PIK3R4: variants seen among roughly 807,000 people sequenced by gnomAD.
PIK3R4 encodes phosphoinositide 3-kinase regulatory subunit 4.
In PIK3R4, 46 loss-of-function variants were observed where a neutral mutation model predicts 136.5. The ratio of observed to expected loss-of-function variants is 0.34; its 90% CI spans 0.27 to 0.43. The LOEUF (loss-of-function observed/expected upper bound fraction) is 0.43, where lower values mean the gene tolerates loss of function less well. Among genes scored for constraint, PIK3R4 ranks in the 20% least tolerant of loss-of-function variants. The pLI, the probability that PIK3R4 is intolerant of heterozygous loss-of-function variation, is 1.00. For missense variants in PIK3R4, 1,331 were observed against 1,649.5 expected (o/e 0.81, Z 3.35); for synonymous variants, 557 against 566.7 (o/e 0.98, Z 0.24).
intron 13 of PIK3R4, among the ~76,000 whole-genome samples, chr3:130,692,812 C>T (rs952189674): frequency 2.6e-5 from 4 of 152,222 alleles, no homozygotes; most frequent in African/African-American, 9.6e-5. Flanking sequence ...CTCTCACACA[C>T]ACTTAGGCTT....
chr3:130,724,362 C>A (rs892517749), intron 6 of PIK3R4, among the ~76,000 whole-genome samples: 3 of 152,034 alleles, frequency 2.0e-5, no homozygotes, highest in Admixed American at 6.5e-5. Flanking sequence ...ACTGGCCTTG[C>A]TATAAACATA....
In PIK3R4 at chr3:130,691,877, T is replaced by G. The variant is rs868786188; in HGVS notation, c.3099-1223A>C. The stretch of plus-strand genomic sequence containing the variant: ...CAGTATCTCTCTCTAGTTTTTTTTT[T>G]TTTTTTTTTTTTTCTGAGACAGAGT... On this transcript the variant is annotated intron_variant, in intron 13 of 19. Coordinates refer to ENST00000356763, the MANE Select transcript of PIK3R4 (RefSeq NM_014602.3). Among the ~76,000 whole-genome samples, 57 of 143,648 alleles carry G rather than the reference T, an allele frequency of 4.0e-4. No individual in the cohort carries two copies. In the South Asian group the frequency reaches 0.012, roughly 31 times the overall value. 94.2% of individuals were successfully genotyped at this position (143,648 alleles called of 152,430 possible). A position where few individuals can be genotyped will look rare whatever the true frequency, so the allele number is the denominator to read the frequency against.
At chr3:130,703,532 T>C (rs538524902) in intron 13 of PIK3R4, among the ~76,000 whole-genome samples, 191 bp downstream of exon 13, 3 of 152,146 alleles carry the variant, frequency 2.0e-5, no homozygotes, top group Non-Finnish European at 4.4e-5. Context: ...TCTAACACAT[T>C]AGCTGTTTTA....
At chr3:130,697,063 C>CTTTTTTTTTTT (rs60432343) in intron 13 of PIK3R4, among the ~76,000 whole-genome samples, 3 of 73,024 alleles carry the variant, frequency 4.1e-5, no homozygotes, top group African/African-American at 6.3e-5. Context: ...GCCACTCCAG[C>CTTTTTTTTTTT]TTTTTTTTTT....
intron 3 of PIK3R4, among the ~76,000 whole-genome samples, chr3:130,735,062 G>A (rs1345879869): frequency 6.6e-6 from 1 of 152,304 alleles, no homozygotes; most frequent in East Asian, 1.9e-4. Flanking sequence ...AACGTAACAA[G>A]TATGTGCCAT....
intron 3 of PIK3R4, 104 bp downstream of exon 3, chr3:130,735,765 A>C: frequency 2.0e-6 from 2 of 1,014,954 alleles, no homozygotes; most frequent in Non-Finnish European, 2.9e-6. Flanking sequence ...ATGGTGTTTT[A>C]CTGCTTGATT....
At chr3:130,713,875 T>C (rs2066646037) in intron 9 of PIK3R4, among the ~76,000 whole-genome samples, 1 of 152,158 alleles carries the variant, frequency 6.6e-6, no homozygotes, top group Non-Finnish European at 1.5e-5. Flanking sequence ...CGTTTCACCA[T>C]GTCAGCTAGG....
chr3:130,681,636 TGGA>T (rs1412087182), intron 16 of PIK3R4, 45 bp from the exon 17 acceptor site: 1 of 1,193,152 alleles, frequency 8.4e-7, no homozygotes, highest in Non-Finnish European at 1.2e-6. Flanking sequence ...CAAAAAGAGT[TGGA>T]GAAGATTACA....
intron 13 of PIK3R4, among the ~76,000 whole-genome samples, chr3:130,691,086 G>A (rs1160083191): frequency 1.3e-5 from 2 of 151,862 alleles, no homozygotes; most frequent in Non-Finnish European, 2.9e-5. Flanking sequence ...TGTAGAGATG[G>A]GGTTTCGCCA....
intron 9 of PIK3R4, among the ~76,000 whole-genome samples, chr3:130,709,249 T>G (rs2066621928): frequency 6.6e-6 from 1 of 152,172 alleles, no homozygotes; most frequent in Non-Finnish European, 1.5e-5. Context: ...AATAATTAAT[T>G]CCTTGGCAAC....
Position 130,726,154 on chromosome 3 carries a change from G to A in PIK3R4, c.1807+2309C>T, listed in dbSNP as rs553507648. ...CCAAATATATAGATTATCTATATAT[G>A]ACAGAAAAAAATGAAAATAATTTAA... On this transcript the variant is annotated intron_variant, in intron 6 of 19. Transcript: ENST00000356763. Among the ~76,000 whole-genome samples, 5 of 151,578 alleles carry A rather than the reference G, an allele frequency of 3.3e-5. No homozygotes were observed. The East Asian group carries it at 9.6e-4, about 29-fold the overall frequency.
chr3:130,686,484 T>G, intron 14 of PIK3R4, 62 bp from the exon 15 acceptor site: 3 of 968,890 alleles, frequency 3.1e-6, no homozygotes, highest in Non-Finnish European at 5.0e-6. Context: ...TAGTCTCCCT[T>G]TAAGATGACT....
intron 15 of PIK3R4, 105 bp downstream of exon 15, chr3:130,686,100 AGACGGG>A: frequency 1.0e-5 from 7 of 668,882 alleles, no homozygotes; most frequent in Admixed American, 2.8e-5. Flanking sequence ...AAAAAAAAAA[AGACGGG>A]AAAAATTACC....
rs766514140 is a variant in PIK3R4 at position 130,679,426 on chromosome 3, C to T, written c.3966G>A (p.Glu1322=). The change falls in exon 20 of 20, where the codon GAG becomes GAA. Residue 1322 remains glutamate (E), a synonymous_variant. Coordinates refer to ENST00000356763, the MANE Select transcript of PIK3R4 (RefSeq NM_014602.3). ...PSDDTPRRGP[E]SLPVGHHDII... ...TGTCATGATGTCCCACGGGCAGGGA[C>T]TCTGGGCCCCTTCGAGGGGTGTCAT... 3 of 1,613,156 alleles carry T rather than the reference C, an allele frequency of 1.9e-6. No homozygotes were observed. The highest frequency in any genetic ancestry group is 2.5e-6 in the Non-Finnish European group (3 of 1,179,218).
intron 2 of PIK3R4, among the ~76,000 whole-genome samples, chr3:130,738,746 G>T (rs1339763133): frequency 1.3e-5 from 2 of 150,640 alleles, no homozygotes; most frequent in Non-Finnish European, 2.9e-5. Context: ...GCCTGAGAAG[G>T]CTCCTTCTCC....
chr3:130,723,839 G>A, intron 6 of PIK3R4: 1 of 318,886 alleles, frequency 3.1e-6, no homozygotes, highest in Non-Finnish European at 5.7e-6. Context: ...CTCCTAAAAA[G>A]GAAGAAGAAT....
In PIK3R4 at chr3:130,746,513, C is replaced by CT. The variant is rs2066854680; in HGVS notation, c.-243dup. On this transcript the variant is annotated 5_prime_UTR_variant, in exon 1 of 20. Transcript: ENST00000356763. ...CCGATCTTCAGGAACCCCGGTGGTC[C>CT]TGGGAGGAGAACTGGGAAAGCTCTC... 2.0e-5 allele frequency: 3 copies of CT among 152,050 alleles called. No individual in the cohort carries two copies. The highest frequency in any genetic ancestry group is 4.4e-5 in the Non-Finnish European group (3 of 68,106). The allele number at this position is 152,050 out of a possible 1,614,324, so 9.4% of individuals were successfully genotyped here. A position where few individuals can be genotyped will look rare whatever the true frequency, so the allele number is the denominator to read the frequency against.
intron 7 of PIK3R4, among the ~76,000 whole-genome samples, chr3:130,722,766 C>A (rs1409177453): frequency 4.0e-5 from 6 of 151,482 alleles, no homozygotes; most frequent in Non-Finnish European, 8.8e-5. Flanking sequence ...TTTTTAACAA[C>A]AAAGTCTCGG....
rs371432819 is a variant in PIK3R4, at chr3:130,733,657, G to A, written c.1341C>T (p.Leu447=). ...ALRTLTKVLA[L]VKEVPRNDIN... ...TATCATTACGAGGAACCTCTTTGAC[G>A]AGAGCAAGAACTTTGGTCAACGTCC... is the stretch of plus-strand genomic sequence containing the variant. The change falls in exon 4 of 20, where the codon CTC becomes CTT. Residue 447 remains leucine, a synonymous_variant. Coordinates refer to ENST00000356763, the MANE Select transcript of PIK3R4 (RefSeq NM_014602.3). 182 of 1,613,928 alleles carry A rather than the reference G, an allele frequency of 1.1e-4. No individual in the cohort carries two copies. The highest frequency in any genetic ancestry group is 1.4e-4 in the Non-Finnish European group (164 of 1,179,818).
Sources: gnomAD v4.1 joint callset for allele counts (sites outside exome capture counted in the v4.1 genomes callset) on GRCh38, gnomAD v4.1.1 for gene constraint, MANE v1.5 for transcripts, NCBI Gene and HGNC (gene_info 2026-07-23, HGNC 2026-07-21) for gene names.